Variants in PINX1 observed in about 807,000 individuals in gnomAD.
PINX1 encodes the protein PIN2 (TERF1) interacting telomerase inhibitor 1, also known as PIN2/TERF1-interacting telomerase inhibitor 1.
Under a neutral mutation model 25.4 loss-of-function variants are expected in PINX1, and 34 were observed. The observed-to-expected ratio is 1.34, with a 90% CI of 1.02 to 1.78. The LOEUF is 1.78. PINX1 is among the 40% of genes most tolerant of loss of function. PINX1 has a pLI of 0.00. For synonymous variants in PINX1, 197 were observed against 147.7 expected (o/e 1.33, Z -2.42); for missense variants, 592 against 404.9 (o/e 1.46, Z -3.97).
At chr8:10,839,110 A>C (rs10091386) in intron 1 of PINX1, among the ~76,000 whole-genome samples, 85,179 of 151,988 alleles carry the variant, frequency 0.56, 25,057 homozygotes, top group African/African-American at 0.7. Context: ...AGCAGCCTCT[A>C]CAGAGACAGG....
intron 6 of PINX1, among the ~76,000 whole-genome samples, chr8:10,793,093 C>G (rs72552392): frequency 2.1e-3 from 315 of 152,266 alleles, no homozygotes; most frequent in African/African-American, 7.2e-3. Context: ...TGCGCGAACA[C>G]TCTGCTAGGG....
At chr8:10,801,734 C>T (rs374301587) in intron 6 of PINX1, among the ~76,000 whole-genome samples, 54 of 152,274 alleles carry the variant, frequency 3.5e-4, no homozygotes, top group African/African-American at 1.3e-3. Context: ...CAAACCACCT[C>T]TAATGAAAAA....
chr8:10,834,818 C>A (rs765200088), intron 1 of PINX1, 43 bp from the exon 2 acceptor site: 6 of 1,345,532 alleles, frequency 4.5e-6, no homozygotes, highest in East Asian at 2.3e-5. Flanking sequence ...GAGATGATAC[C>A]CGGAAAATAC....
At chr8:10,794,561 G>A (rs1371609853) in intron 6 of PINX1, among the ~76,000 whole-genome samples, 1 of 151,890 alleles carries the variant, frequency 6.6e-6, no homozygotes, top group Non-Finnish European at 1.5e-5. Context: ...CAAGTAGCTG[G>A]GATTACAGGC....
At chr8:10,816,162 A>T (rs1258086789) in intron 6 of PINX1, among the ~76,000 whole-genome samples, 1 of 152,206 alleles carries the variant, frequency 6.6e-6, no homozygotes, top group Non-Finnish European at 1.5e-5. Context: ...TAATGGTTAC[A>T]CAATCCACAA....
chr8:10,819,547 T>C (rs187429388), intron 6 of PINX1, among the ~76,000 whole-genome samples: 1 of 152,334 alleles, frequency 6.6e-6, no homozygotes, highest in East Asian at 1.9e-4. Context: ...GGCTGTCTCT[T>C]ACACTTCAAA....
At position 10,765,610 on chromosome 8, in the gene PINX1, GCT is replaced by G; in HGVS notation, c.776_777del (p.Glu259AlafsTer26). On this transcript the variant is annotated frameshift_variant, in exon 7 of 7. Transcript: ENST00000314787. LOFTEE classifies it low-confidence loss of function (END_TRUNC). ...VAKKKSAPAEEQLRGPCWDQS... is the reference protein window; with the variant it reads ...VAKKKSAPAEXQLRGPCWDQS... ...TGGTCCCAGCAGGGGCCTCTGAGCT[GCT>G]CTTCTGCTGGCGCGCTCTTCTTCTT... 1 of 1,613,744 alleles carries G rather than the reference GCT, an allele frequency of 6.2e-7. No individual in the cohort carries two copies. The highest frequency in any genetic ancestry group is 8.5e-7 in the Non-Finnish European group (1 of 1,179,848).
At chr8:10,798,571 A>C (rs1802162901) in intron 6 of PINX1, among the ~76,000 whole-genome samples, 1 of 152,232 alleles carries the variant, frequency 6.6e-6, no homozygotes, top group South Asian at 2.1e-4. Context: ...TGGGGAAAAA[A>C]AGCCAACCAG....
In PINX1 at chr8:10,821,613, G is replaced by C. The variant is rs147549788; in HGVS notation, c.395-1344C>G. 1.4e-3 allele frequency among the ~76,000 whole-genome samples: 218 copies of C among 152,356 alleles called. 1 individual carries two copies. Among genetic ancestry groups the C allele is most frequent in the African/African-American group, 5.1e-3 (211 of 41,588 alleles). On this transcript the variant is annotated intron_variant, in intron 5 of 6. Transcript: ENST00000314787. ...GCAGAAAATGAACCGGGAAAGTGGG[G>C]AAGAAAACTGGTTGTAGCGGGAAGA... is the stretch of plus-strand genomic sequence containing the variant.
At chr8:10,783,694 T>C (rs928364477) in intron 6 of PINX1, among the ~76,000 whole-genome samples, 1 of 152,304 alleles carries the variant, frequency 6.6e-6, no homozygotes. Flanking sequence ...CATGCAATAA[T>C]GCTACTGGGT....
chr8:10,794,296 C>T (rs1802015545), intron 6 of PINX1, among the ~76,000 whole-genome samples: 1 of 152,244 alleles, frequency 6.6e-6, no homozygotes, highest in Middle Eastern at 3.4e-3. Context: ...ACATACAGAT[C>T]TTAAAATTTC....
At chr8:10,771,670 C>T (rs1468637273) in intron 6 of PINX1, among the ~76,000 whole-genome samples, 2 of 152,208 alleles carry the variant, frequency 1.3e-5, no homozygotes, top group Non-Finnish European at 2.9e-5. Flanking sequence ...CTCCCACCAC[C>T]ACCCACTGGC....
At chr8:10,766,851 G>A (rs1487248258) in intron 6 of PINX1, among the ~76,000 whole-genome samples, 1 of 152,230 alleles carries the variant, frequency 6.6e-6, no homozygotes, top group Non-Finnish European at 1.5e-5. Flanking sequence ...GAGAGGCTGG[G>A]ATAAAGAATG....
At chr8:10,826,811 G>C (rs1798064453) in intron 4 of PINX1, among the ~76,000 whole-genome samples, 1 of 152,228 alleles carries the variant, frequency 6.6e-6, no homozygotes, top group African/African-American at 2.4e-5. Flanking sequence ...AGAGAGAGAG[G>C]ACAGATGAAT....
intron 6 of PINX1, among the ~76,000 whole-genome samples, chr8:10,768,569 A>G (rs910904492): frequency 2.0e-5 from 3 of 152,212 alleles, no homozygotes; most frequent in African/African-American, 7.2e-5. Flanking sequence ...AGGGGCCAGC[A>G]CCCAAGTCCT....
At chr8:10,791,934 C>A (rs886311015) in intron 6 of PINX1, among the ~76,000 whole-genome samples, 1 of 152,202 alleles carries the variant, frequency 6.6e-6, no homozygotes, top group African/African-American at 2.4e-5. Context: ...CCCAGGACAA[C>A]ATGCCCCATC....
At chr8:10,817,051 G>A (rs913403848) in intron 6 of PINX1, among the ~76,000 whole-genome samples, 7 of 152,164 alleles carry the variant, frequency 4.6e-5, no homozygotes, top group Admixed American at 1.3e-4. Flanking sequence ...AAAATCAGTA[G>A]GCTTCCCTTA....
intron 4 of PINX1, among the ~76,000 whole-genome samples, chr8:10,828,747 C>T (rs1798131832): frequency 6.6e-6 from 1 of 152,164 alleles, no homozygotes; most frequent in African/African-American, 2.4e-5. Context: ...GACTTATGCA[C>T]CAATCTGGCC....
In PINX1 at chr8:10,818,797, C is replaced by T. The variant is rs373383003; in HGVS notation, c.471+1396G>A. Reference sequence around the variant, plus strand: ...AGCAAAGGAGATGGAGTTCAAGAGGCGCGGGACTGGAATTCTAGTTCTTCC... The same window carrying T: ...AGCAAAGGAGATGGAGTTCAAGAGGTGCGGGACTGGAATTCTAGTTCTTCC... On this transcript the variant is annotated intron_variant, in intron 6 of 6. Transcript: ENST00000314787. 3.3e-5 allele frequency among the ~76,000 whole-genome samples: 5 copies of T among 152,140 alleles called. No homozygotes were observed. In the East Asian group the frequency reaches 5.8e-4, roughly 18 times the overall value.
Sources: gnomAD v4.1 joint callset for allele counts (sites outside exome capture counted in the v4.1 genomes callset) on GRCh38, gnomAD v4.1.1 for gene constraint, MANE v1.5 for transcripts, NCBI Gene and HGNC (gene_info 2026-07-23, HGNC 2026-07-21) for gene names.